The following TM2D3 variants were observed in gnomAD, a reference collection of about 807,000 sequenced individuals.
TM2D3 encodes TM2 domain-containing protein 3.
In TM2D3, 33 loss-of-function variants were observed where a neutral mutation model predicts 27.3. That is an observed-to-expected ratio of 1.21 (90% confidence interval 0.92 to 1.61). The LOEUF (loss-of-function observed/expected upper bound fraction) is 1.61. Ranked by LOEUF, TM2D3 falls within the 40% of genes most tolerant of loss-of-function variation. TM2D3 has a pLI of 0.00. For synonymous variants in TM2D3, 138 were observed against 122.2 expected (o/e 1.13, Z -0.85); for missense variants, 364 against 320.8 (o/e 1.13, Z -1.03).
intron 5 of TM2D3, among the ~76,000 whole-genome samples, chr15:101,643,067 T>C (rs1896709219): frequency 6.6e-6 from 1 of 152,172 alleles, no homozygotes; most frequent in African/African-American, 2.4e-5. Context: ...AAAATCTTAA[T>C]GTTAGGAATA....
chr15:101,650,333 GGCCAGCT>G (rs1351526860), intron 2 of TM2D3, 172 bp from the exon 3 acceptor site: 3 of 571,740 alleles, frequency 5.2e-6, no homozygotes, highest in Non-Finnish European at 8.8e-6. Flanking sequence ...TTCTGCCCAC[GGCCAGCT>G]GTGGGACCTG....
intron 5 of TM2D3, among the ~76,000 whole-genome samples, chr15:101,643,580 T>G (rs1351076443): frequency 8.8e-6 from 1 of 114,196 alleles, no homozygotes; most frequent in African/African-American, 3.5e-5. Flanking sequence ...CCAGCCTGGG[T>G]GACAGAGAGA....
At chr15:101,652,190 C>T (rs777955616) in intron 1 of TM2D3, 81 bp downstream of exon 1, 22 of 1,298,242 alleles carry the variant, frequency 1.7e-5, no homozygotes, top group Non-Finnish European at 2.3e-5. Context: ...AGCGTCCGCC[C>T]GTGGGCCCGG....
downstream of TM2D3, chr15:101,641,770 A>T: frequency 1.9e-6 from 1 of 521,178 alleles, no homozygotes; most frequent in Non-Finnish European, 2.5e-6. Context: ...GAAAGATAAA[A>T]ATGTTATTCT....
chr15:101,638,420 G>A (rs894140281), downstream of TM2D3, among the ~76,000 whole-genome samples: 3 of 151,876 alleles, frequency 2.0e-5, no homozygotes, highest in African/African-American at 7.3e-5. Flanking sequence ...TCAGCCTCCT[G>A]AGTAGCTGGG....
intron 5 of TM2D3, among the ~76,000 whole-genome samples, chr15:101,643,624 CAA>C (rs978182591): frequency 2.6e-4 from 25 of 96,330 alleles, no homozygotes; most frequent in African/African-American, 8.8e-4. Flanking sequence ...AAAAAAAAAG[CAA>C]AAAAAAAAAA....
chr15:101,644,452 A>T lies in TM2D3; in HGVS notation c.578+635T>A, dbSNP rs1896752358. Among the ~76,000 whole-genome samples, 3 of 152,340 alleles carry T rather than the reference A, an allele frequency of 2.0e-5. No homozygotes were observed. In the South Asian group the frequency reaches 6.2e-4, roughly 32 times the overall value. ...CATTCAGCCCAGAACGTCAGCAGTGATGAGGCTGAGAAATCCTGCCCTATG... is the reference window on the plus strand; with the variant it reads ...CATTCAGCCCAGAACGTCAGCAGTGTTGAGGCTGAGAAATCCTGCCCTATG... On this transcript the variant is annotated intron_variant, in intron 5 of 5. Transcript: ENST00000333202.
chr15:101,638,165 G>A (rs28731119), downstream of TM2D3, among the ~76,000 whole-genome samples: 1,389 of 152,158 alleles, frequency 9.1e-3, 14 homozygotes, highest in African/African-American at 0.032. Context: ...CCTCCTGTTT[G>A]TTCACGAGCC....
rs1243702047 is a variant in TM2D3 at position 101,642,176 on chromosome 15, T to C, written c.*303A>G. The C allele has an allele frequency of 1.9e-6, 2 of 1,041,208 alleles. No individual in the cohort carries two copies. Among genetic ancestry groups the C allele is most frequent in the East Asian group, 1.5e-4 (2 of 13,672 alleles). 64.5% of individuals were successfully genotyped at this position (1,041,208 alleles called of 1,614,324 possible). The stretch of plus-strand genomic sequence containing the variant: ...GGGCTGGAGATACAAGTGATGTAGT[T>C]TGACTTGGGCAATACAAAACAAAAG... On this transcript the variant is annotated 3_prime_UTR_variant, in exon 6 of 6. Transcript: ENST00000333202.
Position 101,642,291 on chromosome 15 carries a change from T to A in TM2D3, c.*188A>T. ...ATTTTTTCACAGAAAAAAATATATT[T>A]CAGGCAAATAAAAACAAATTCCAGA... On this transcript the variant is annotated 3_prime_UTR_variant, in exon 6 of 6. Transcript: ENST00000333202. 7.9e-7 allele frequency: 1 copy of A among 1,260,050 alleles called. No individual in the cohort carries two copies. The allele number at this position is 1,260,050 out of a possible 1,614,324, so 78.1% of individuals were successfully genotyped here.
downstream of TM2D3, chr15:101,636,866 C>A: frequency 2.5e-6 from 1 of 404,278 alleles, no homozygotes; most frequent in Non-Finnish European, 5.0e-6. Flanking sequence ...TTTTTAGAGA[C>A]AGTGTCTCGC....
At chr15:101,642,739 A>C in intron 5 of TM2D3, 95 bp from the exon 6 acceptor site, 1 of 1,102,110 alleles carries the variant, frequency 9.1e-7, no homozygotes, top group Non-Finnish European at 1.2e-6. Flanking sequence ...GATTTGAGAA[A>C]GGGCTTCCCC....
intron 4 of TM2D3, chr15:101,633,764 A>G: frequency 1.3e-6 from 2 of 1,513,786 alleles, no homozygotes; most frequent in Admixed American, 2.0e-5. Context: ...AAAAGAAAAA[A>G]CAATTAGTTC....
At chr15:101,634,432 TCAAACAAACAAA>T (rs113959113) in intron 4 of TM2D3, 2 of 152,018 alleles carry the variant, frequency 1.3e-5, no homozygotes, top group African/African-American at 2.4e-5. Context: ...AGACTCCATC[TCAAACAAACAAA>T]CAAACAAACA....
At chr15:101,645,237 C>G in intron 4 of TM2D3, 75 bp from the exon 5 acceptor site, 1 of 1,272,428 alleles carries the variant, frequency 7.9e-7, no homozygotes, top group East Asian at 2.5e-5. Flanking sequence ...AACAAATGGG[C>G]TCAAAATTTA....
rs755122388 is a variant in TM2D3 at position 101,652,247 on chromosome 15, C to T, written c.91+24G>A. 16 of 1,590,304 alleles carry T rather than the reference C, an allele frequency of 1.0e-5. No homozygotes were observed. In the Admixed American group the frequency reaches 2.5e-4, roughly 25 times the overall value. The stretch of plus-strand genomic sequence containing the variant: ...CCTGCTGCCACTCAGCCCCACCCGG[C>T]GCTGAACCCAGCCTTTGACTCACCA... On this transcript the variant is annotated intron_variant, in intron 1 of 5. Transcript: ENST00000333202.
At chr15:101,647,853 C>G (rs911402619) in intron 3 of TM2D3, among the ~76,000 whole-genome samples, 7 of 152,006 alleles carry the variant, frequency 4.6e-5, no homozygotes, top group South Asian at 2.1e-4. Flanking sequence ...TCTCTGGAAG[C>G]ATCATGTATA....
At chr15:101,639,475 G>A (rs1037881502), downstream of TM2D3, among the ~76,000 whole-genome samples, 1 of 151,686 alleles carries the variant, frequency 6.6e-6, no homozygotes, top group Non-Finnish European at 1.5e-5. Context: ...ATCAGGTACA[G>A]CTCATTTTCC....
chr15:101,643,419 G>T (rs567216846), intron 5 of TM2D3, among the ~76,000 whole-genome samples: 66 of 152,046 alleles, frequency 4.3e-4, no homozygotes, highest in South Asian at 3.7e-3. Flanking sequence ...TGGCTAACAC[G>T]GTGAAACCCT....
Sources: gnomAD v4.1 joint callset for allele counts (sites outside exome capture counted in the v4.1 genomes callset) on GRCh38, gnomAD v4.1.1 for gene constraint, MANE v1.5 for transcripts, NCBI Gene and HGNC (gene_info 2026-07-23, HGNC 2026-07-21) for gene names.